Variants in ROCK1 observed in about 807,000 individuals in gnomAD.
ROCK1 encodes rho-associated protein kinase 1.
Under a neutral mutation model 196.8 loss-of-function variants are expected in ROCK1, and 36 were observed. The observed-to-expected ratio is 0.18, with a 90% CI of 0.14 to 0.24. The LOEUF (loss-of-function observed/expected upper bound fraction) is 0.24, where lower values mean the gene tolerates loss of function less well. ROCK1 is among the 10% of genes least tolerant of loss of function. The pLI, the probability that ROCK1 is intolerant of heterozygous loss-of-function variation, is 1.00. For synonymous variants in ROCK1, 443 were observed against 515.9 expected, an observed-to-expected ratio of 0.86 and a Z score of 1.91; for missense variants, 920 against 1,562.0, an observed-to-expected ratio of 0.59 and a Z score of 6.93.
rs537655561 is a variant in ROCK1 at position 21,050,962 on chromosome 18, A to T, written c.176-1082T>A. ...ATTCTTTAAGAGTTCAAACTCTAGC[A>T]AATAAAACAGAAACAATGAAAAAAA... On this transcript the variant is annotated intron_variant, in intron 2 of 32. Transcript: ENST00000399799. Among the ~76,000 whole-genome samples the T allele has an allele frequency of 5.3e-5, 8 of 152,328 alleles. No homozygotes were observed. The South Asian group carries it at 1.7e-3, about 32-fold the overall frequency.
chr18:20,976,432 A>C (rs2035481531), intron 22 of ROCK1, among the ~76,000 whole-genome samples: 1 of 152,208 alleles, frequency 6.6e-6, no homozygotes, highest in Non-Finnish European at 1.5e-5. Context: ...TTACATAAAA[A>C]TTCAGATTCT....
intron 10 of ROCK1, among the ~76,000 whole-genome samples, chr18:21,026,313 A>C (rs1206815444): frequency 6.6e-6 from 1 of 151,840 alleles, no homozygotes; most frequent in Admixed American, 6.6e-5. Flanking sequence ...GCATGGTGGC[A>C]CATGCCTGTA....
chr18:21,014,351 T>C (rs1296564048), intron 13 of ROCK1, among the ~76,000 whole-genome samples: 3 of 152,200 alleles, frequency 2.0e-5, no homozygotes, highest in Non-Finnish European at 4.4e-5. Flanking sequence ...TCTGCCTTCT[T>C]TCCACCTTTC....
chr18:21,041,322 C>T (rs192041088), intron 8 of ROCK1, among the ~76,000 whole-genome samples: 2 of 147,674 alleles, frequency 1.4e-5, no homozygotes, highest in African/African-American at 5.0e-5. Context: ...ATACTTCAAG[C>T]TCTAAAGGAC....
At chr18:21,031,259 A>G (rs2036003644) in intron 9 of ROCK1, among the ~76,000 whole-genome samples, 1 of 152,176 alleles carries the variant, frequency 6.6e-6, no homozygotes, top group Non-Finnish European at 1.5e-5. Flanking sequence ...AAAAAATTAC[A>G]AAGCATGTAA....
intron 6 of ROCK1, 75 bp from the exon 7 acceptor site, chr18:21,042,784 A>G (rs1376120083): frequency 3.6e-6 from 5 of 1,399,650 alleles, no homozygotes; most frequent in Non-Finnish European, 4.9e-6. Flanking sequence ...TCTTATTAAT[A>G]TTACCTATGG....
intron 11 of ROCK1, 41 bp downstream of exon 11, chr18:21,023,579 A>T (rs773640460): frequency 2.1e-5 from 23 of 1,115,822 alleles, no homozygotes; most frequent in Non-Finnish European, 2.9e-5. Context: ...TCCACAAAAC[A>T]ATTTTAAAAA....
Position 20,965,109 on chromosome 18 carries a change from G to A in ROCK1, c.3352+1808C>T, listed in dbSNP as rs541600405. The stretch of plus-strand genomic sequence containing the variant: ...AACTGACACTAAATAGAGCAAGGTC[G>A]GCCAGGCGGGTGGCTCATGCCTGTA... On this transcript the variant is annotated intron_variant, in intron 27 of 32. Coordinates refer to ENST00000399799, the MANE Select transcript of ROCK1 (RefSeq NM_005406.3). 5.9e-5 allele frequency among the ~76,000 whole-genome samples: 9 copies of A among 152,252 alleles called. No individual in the cohort carries two copies. The East Asian group carries it at 1.2e-3, about 20-fold the overall frequency.
intron 1 of ROCK1, among the ~76,000 whole-genome samples, chr18:21,078,373 CAG>C (rs796701748): frequency 0.06 from 3,962 of 65,848 alleles, 86 homozygotes; most frequent in African/African-American, 0.067. Flanking sequence ...CACACACACA[CAG>C]AGAGAGAGAG....
chr18:20,973,652 T>A (rs1288716587), intron 22 of ROCK1, among the ~76,000 whole-genome samples: 2 of 152,140 alleles, frequency 1.3e-5, no homozygotes, highest in Non-Finnish European at 2.9e-5. Context: ...GCTCATGATG[T>A]CCATTTACAT....
chr18:20,955,126 T>C, intron 30 of ROCK1, 41 bp downstream of exon 30: 1 of 1,525,402 alleles, frequency 6.6e-7, no homozygotes, highest in Non-Finnish European at 8.8e-7. Flanking sequence ...CAAAAACGCT[T>C]AGGACTTAGA....
intron 13 of ROCK1, among the ~76,000 whole-genome samples, chr18:21,011,620 T>C (rs1040075389): frequency 6.6e-6 from 1 of 152,138 alleles, no homozygotes; most frequent in African/African-American, 2.4e-5. Flanking sequence ...CACACCTGGC[T>C]AATTTTTGTA....
chr18:21,007,569 A>G (rs1485310642), intron 14 of ROCK1, among the ~76,000 whole-genome samples: 2 of 152,220 alleles, frequency 1.3e-5, no homozygotes, highest in Non-Finnish European at 2.9e-5. Flanking sequence ...TGTACGTGAA[A>G]TAACTTATGG....
chr18:21,020,337 ATAATT>A lies in ROCK1; in HGVS notation c.1273-103_1273-99del, dbSNP rs369171381. The A allele has an allele frequency of 1.6e-3, 872 of 558,274 alleles. 1 individual carries two copies. Among genetic ancestry groups the A allele is most frequent in the Non-Finnish European group, 1.5e-3 (517 of 345,826 alleles). 34.6% of individuals were successfully genotyped at this position (558,274 alleles called of 1,614,324 possible). On this transcript the variant is annotated intron_variant, in intron 11 of 32. Transcript: ENST00000399799. ...TTAATATTTTAAACCTTTTTAGAAA[ATAATT>A]TAATTTAATCTTACCTCTTTCTATC...
At chr18:20,986,912 T>C (rs766530471) in intron 19 of ROCK1, 38 bp downstream of exon 19, 2 of 1,533,756 alleles carry the variant, frequency 1.3e-6, no homozygotes, top group Middle Eastern at 1.7e-4. Flanking sequence ...ACCGTTTCTC[T>C]TTTAATAGAT....
chr18:21,034,569 T>C (rs1318432426), intron 9 of ROCK1, among the ~76,000 whole-genome samples: 1 of 152,190 alleles, frequency 6.6e-6, no homozygotes, highest in Non-Finnish European at 1.5e-5. Flanking sequence ...TTTCAACACA[T>C]AGTGTTAGGA....
At chr18:21,062,382 A>G (rs1202842790) in intron 2 of ROCK1, among the ~76,000 whole-genome samples, 3 of 152,188 alleles carry the variant, frequency 2.0e-5, no homozygotes, top group African/African-American at 7.2e-5. Context: ...TTTAAGTAAC[A>G]AAGTATTAGG....
intron 1 of ROCK1, among the ~76,000 whole-genome samples, chr18:21,096,517 T>C (rs868255123): frequency 6.6e-6 from 1 of 152,178 alleles, no homozygotes; most frequent in East Asian, 1.9e-4. Context: ...CAAATATTTA[T>C]GTTGGGTTCT....
chr18:21,049,813 C>T lies in ROCK1; in HGVS notation c.243G>A (p.Val81=). 1 of 1,608,450 alleles carries T rather than the reference C, an allele frequency of 6.2e-7. No individual in the cohort carries two copies. Among genetic ancestry groups the T allele is most frequent in the Non-Finnish European group, 8.5e-7 (1 of 1,176,742 alleles). ...MKAEDYEVVK[V]IGRGAFGEVQ... ...CTTCTCCAAATGCACCTCTACCAAT[C>T]ACCTTCACTACTTCATAATCTTCAG... The change falls in exon 3 of 33, where the codon GTG becomes GTA. Residue 81 remains valine, a synonymous_variant. Transcript: ENST00000399799.
Sources: gnomAD v4.1 joint callset for allele counts (sites outside exome capture counted in the v4.1 genomes callset) on GRCh38, gnomAD v4.1.1 for gene constraint, MANE v1.5 for transcripts, NCBI Gene and HGNC (gene_info 2026-07-23, HGNC 2026-07-21) for gene names.